Variants in RPL5 observed in about 807,000 individuals in gnomAD.
RPL5 encodes the protein large ribosomal subunit protein uL18.
A neutral mutation model predicts 38.4 loss-of-function variants in RPL5; 1 was observed. The ratio of observed to expected loss-of-function variants is 0.03; its 90% CI spans 0.01 to 0.12. The LOEUF is 0.12. RPL5 is among the 10% of genes least tolerant of loss of function. The probability of loss-of-function intolerance (pLI) is 1.00; values close to 1 mark genes in which losing one functional copy is unlikely to be tolerated. For missense variants in RPL5, 243 were observed against 374.1 expected, an observed-to-expected ratio of 0.65 and a Z score of 2.89; for synonymous variants, 109 against 121.2, an observed-to-expected ratio of 0.90 and a Z score of 0.66.
At position 92,837,542 on chromosome 1, in the gene RPL5, C is replaced by G. The variant is rs1284533624; in HGVS notation, c.614C>G (p.Ala205Gly). 3.7e-6 allele frequency: 6 copies of G among 1,611,990 alleles called. No individual in the cohort carries two copies. Among genetic ancestry groups the G allele is most frequent in the South Asian group, 2.2e-5 (2 of 90,992 alleles). ...HRKHIMGQNV[A>G]DYMRYLMEED... is the part of the protein sequence containing the mutation. Reference sequence around the variant, plus strand: ...AAGCACATCATGGGCCAGAATGTTGCAGATTACATGCGCTACTTAATGGAA... The same window carrying G: ...AAGCACATCATGGGCCAGAATGTTGGAGATTACATGCGCTACTTAATGGAA... The change falls in exon 6 of 8, where the codon GCA becomes GGA. Residue 205 changes from alanine (A) to glycine (G), a missense_variant. Physicochemically the swap from Ala to Gly is moderately conservative, Grantham distance 60. Coordinates refer to ENST00000370321, the MANE Select transcript of RPL5 (RefSeq NM_000969.5).
At chr1:92,834,738 G>A (rs1213903101) in intron 3 of RPL5, 41 bp from the exon 4 acceptor site, 1 of 1,611,094 alleles carries the variant, frequency 6.2e-7, no homozygotes, top group East Asian at 2.2e-5. Context: ...GTAAGACAGT[G>A]AAAGCAACAG....
chr1:92,839,377 C>T (rs1045562373), intron 6 of RPL5, among the ~76,000 whole-genome samples: 3 of 152,020 alleles, frequency 2.0e-5, no homozygotes, highest in Non-Finnish European at 4.4e-5. Flanking sequence ...AAAAATTGCC[C>T]AATAAAATAT....
At position 92,841,885 on chromosome 1, in the gene RPL5, T is replaced by C. The variant is rs747781113; in HGVS notation, c.*20T>C. On this transcript the variant is annotated 3_prime_UTR_variant, in exon 8 of 8. Transcript: ENST00000370321. The stretch of plus-strand genomic sequence containing the variant: ...AGCTAAACCCAGCAATTTTCTATGA[T>C]TTTTTCAGATATAGATAATAAACTT... The C allele has an allele frequency of 1.9e-6, 3 of 1,566,368 alleles. No homozygotes were observed. The East Asian group carries it at 6.7e-5, about 35-fold the overall frequency.
chr1:92,833,517 C>T, intron 2 of RPL5, 28 bp from the exon 3 acceptor site: 1 of 1,611,342 alleles, frequency 6.2e-7, no homozygotes. Context: ...AGTGGAGTAT[C>T]CTTTCTACAA....
intron 3 of RPL5, chr1:92,834,077 C>G: frequency 3.9e-6 from 1 of 257,326 alleles, no homozygotes. Context: ...ACCTAGGTGA[C>G]AGAGCAAGAC....
chr1:92,840,845 T>C lies in RPL5; in HGVS notation c.794+206T>C, dbSNP rs763979899. On this transcript the variant is annotated intron_variant, in intron 7 of 7. Transcript: ENST00000370321. The stretch of plus-strand genomic sequence containing the variant: ...ACTGAGGTGGTTCTTTCTATCCTAG[T>C]ACAGTCTAAGTACTGGTTACTGCAT... 5.8e-6 allele frequency: 4 copies of C among 694,338 alleles called. No homozygotes were observed. In the East Asian group the frequency reaches 1.1e-4, roughly 20 times the overall value. 43.0% of individuals were successfully genotyped at this position (694,338 alleles called of 1,614,324 possible).
rs773839391 is a variant in RPL5, at chr1:92,840,626, G to C, written c.781G>C (p.Val261Leu). Reference sequence around the variant, plus strand: ...CTATGAAAAGAAGCCCAAGAAAGAAGTTAAAAAGAAGAGGTATGTCGTCTT... The same window carrying C: ...CTATGAAAAGAAGCCCAAGAAAGAACTTAAAAAGAAGAGGTATGTCGTCTT... The part of the protein sequence containing the change: ...PVYEKKPKKE[V>L]KKKRWNRPKM... Residue 261 changes from valine to leucine, a missense_variant, in exon 7 of 8, where the codon GTT becomes CTT. By Grantham distance (32) the Val-to-Leu change is conservative (BLOSUM62 1). Transcript: ENST00000370321. 36 of 1,609,092 alleles carry C rather than the reference G, an allele frequency of 2.2e-5. No individual in the cohort carries two copies. The East Asian group carries it at 7.8e-4, about 35-fold the overall frequency.
chr1:92,841,894 A>C lies in RPL5; in HGVS notation c.*29A>C, dbSNP rs1451101405. The C allele has an allele frequency of 3.9e-6, 6 of 1,525,220 alleles. No homozygotes were observed. The African/African-American group carries it at 8.2e-5, about 21-fold the overall frequency. 94.5% of individuals were successfully genotyped at this position (1,525,220 alleles called of 1,614,324 possible). On this transcript the variant is annotated 3_prime_UTR_variant, in exon 8 of 8. Coordinates refer to ENST00000370321, the MANE Select transcript of RPL5 (RefSeq NM_000969.5). Reference sequence around the variant, plus strand: ...CAGCAATTTTCTATGATTTTTTCAGATATAGATAATAAACTTATGAACAGC... The same window carrying C: ...CAGCAATTTTCTATGATTTTTTCAGCTATAGATAATAAACTTATGAACAGC...
At chr1:92,833,364 T>C (rs571720015) in intron 1 of RPL5, 25 bp from the exon 2 acceptor site, 1 of 1,577,382 alleles carries the variant, frequency 6.3e-7, no homozygotes, top group South Asian at 1.1e-5. Flanking sequence ...CATCAAAGTT[T>C]TAATAACATT....
At chr1:92,834,203 T>C (rs1294436410) in intron 3 of RPL5, among the ~76,000 whole-genome samples, 1 of 152,216 alleles carries the variant, frequency 6.6e-6, no homozygotes, top group East Asian at 1.9e-4. Context: ...TATATGGCCT[T>C]ATATGCCACT....
chr1:92,838,946 CATTG>C (rs1474525897), intron 6 of RPL5, among the ~76,000 whole-genome samples: 4 of 150,868 alleles, frequency 2.7e-5, no homozygotes, highest in Non-Finnish European at 5.9e-5. Flanking sequence ...CACATCTCCA[CATTG>C]ATTGAATAAT....
At chr1:92,834,666 A>T in intron 3 of RPL5, 113 bp from the exon 4 acceptor site, 2 of 1,401,422 alleles carry the variant, frequency 1.4e-6, no homozygotes, top group Non-Finnish European at 2.0e-6. Context: ...TAAGCATTTT[A>T]AGTGATGTTC....
chr1:92,832,329 G>A lies in RPL5; in HGVS notation c.3+212G>A, dbSNP rs552077825. 48 of 730,720 alleles carry A rather than the reference G, an allele frequency of 6.6e-5. No individual in the cohort carries two copies. In the African/African-American group the frequency reaches 6.8e-4, roughly 10 times the overall value. 45.3% of individuals were successfully genotyped at this position (730,720 alleles called of 1,614,324 possible). A position where few individuals can be genotyped will look rare whatever the true frequency, so the allele number is the denominator to read the frequency against. The stretch of plus-strand genomic sequence containing the variant: ...GGGGAGGGGTTGGCGAAGAAGGGTT[G>A]CGTGAGCTTGGACGGCGGATTGGGG... On this transcript the variant is annotated intron_variant, in intron 1 of 7. Coordinates refer to ENST00000370321, the MANE Select transcript of RPL5 (RefSeq NM_000969.5).
chr1:92,834,275 GAAA>G (rs1416360731), intron 3 of RPL5, among the ~76,000 whole-genome samples: 1 of 152,152 alleles, frequency 6.6e-6, no homozygotes, highest in Non-Finnish European at 1.5e-5. Flanking sequence ...CTTATTCTTT[GAAA>G]TAGGTTTTAA....
intron 4 of RPL5, 78 bp from the exon 5 acceptor site, chr1:92,836,112 C>G (rs781454186): frequency 4.5e-6 from 6 of 1,347,134 alleles, no homozygotes; most frequent in Non-Finnish European, 4.3e-6. Context: ...GTGGTCCTTA[C>G]GGTTATGACA....
intron 6 of RPL5, among the ~76,000 whole-genome samples, chr1:92,838,942 T>G (rs574000237): frequency 8.5e-5 from 13 of 152,168 alleles, no homozygotes; most frequent in Non-Finnish European, 1.2e-4. Flanking sequence ...TAATCACATC[T>G]CCACATTGAT....
At chr1:92,834,631 T>A in intron 3 of RPL5, 148 bp from the exon 4 acceptor site, 1 of 1,027,418 alleles carries the variant, frequency 9.7e-7, no homozygotes, top group Non-Finnish European at 1.5e-6. Flanking sequence ...CACCTCTAAT[T>A]TACTGGTAAC....
intron 4 of RPL5, 74 bp downstream of exon 4, chr1:92,834,987 CA>C (rs1687061097): frequency 2.5e-6 from 4 of 1,587,658 alleles, no homozygotes; most frequent in Admixed American, 1.7e-5. Context: ...GATGTTTGTA[CA>C]TGGATAAGAT....
In RPL5 at chr1:92,832,919, A is replaced by C. The variant is rs1686965944; in HGVS notation, c.4-470A>C. 26 of 678,930 alleles carry C rather than the reference A, an allele frequency of 3.8e-5. No homozygotes were observed. In the East Asian group the frequency reaches 7.0e-4, roughly 18 times the overall value. 42.1% of individuals were successfully genotyped at this position (678,930 alleles called of 1,614,324 possible). Reference sequence around the variant, plus strand: ...GAGAGAGGTACGTAGTTGTTATTTGAGGCTAGGTTTTCGAAGTGGGACATA... The same window carrying C: ...GAGAGAGGTACGTAGTTGTTATTTGCGGCTAGGTTTTCGAAGTGGGACATA... On this transcript the variant is annotated intron_variant, in intron 1 of 7. Coordinates refer to ENST00000370321, the MANE Select transcript of RPL5 (RefSeq NM_000969.5).
Sources: gnomAD v4.1 joint callset for allele counts (sites outside exome capture counted in the v4.1 genomes callset) on GRCh38, gnomAD v4.1.1 for gene constraint, MANE v1.5 for transcripts, NCBI Gene and HGNC (gene_info 2026-07-23, HGNC 2026-07-21) for gene names.